The following ZNF862 variants were observed in gnomAD, a reference collection of about 807,000 sequenced individuals.
The protein encoded by ZNF862 is zinc finger protein 862.
A neutral mutation model predicts 91.1 loss-of-function variants in ZNF862; 64 were observed. The observed-to-expected ratio is 0.70, with a 90% CI of 0.57 to 0.87. The LOEUF (loss-of-function observed/expected upper bound fraction) is 0.87, where lower values mean the gene tolerates loss of function less well. Ranked by LOEUF, ZNF862 falls within the 40% of genes least tolerant of loss-of-function variation. The pLI is 0.00. For synonymous variants in ZNF862, 631 were observed against 618.1 expected, an observed-to-expected ratio of 1.02 and a Z score of -0.31; for missense variants, 1,459 against 1,528.0, an observed-to-expected ratio of 0.95 and a Z score of 0.75.
chr7:149,838,632 GA>G lies in ZNF862; in HGVS notation c.23del (p.Lys8ArgfsTer4). The G allele has an allele frequency of 8.1e-7, 1 of 1,228,564 alleles. No homozygotes were observed. The highest frequency in any genetic ancestry group is 1.0e-6 in the Non-Finnish European group (1 of 980,598). 76.1% of individuals were successfully genotyped at this position (1,228,564 alleles called of 1,614,324 possible). A position where few individuals can be genotyped will look rare whatever the true frequency, so the allele number is the denominator to read the frequency against. On this transcript the variant is annotated frameshift_variant and splice_region_variant, in exon 1 of 8. Coordinates refer to ENST00000223210, the MANE Select transcript of ZNF862 (RefSeq NM_001099220.3). LOFTEE classifies it high-confidence loss of function. MEPRESG[K>X]APVTFDDITV... ...GGGCCATGGAGCCCAGAGAGTCGGG[GA>G]AGGTAGGACTGGAAGGCCCGGGGGC...
rs767551948 is a variant in ZNF862 at position 149,861,065 on chromosome 7, C to T, written c.1905C>T (p.Ser635=). The T allele has an allele frequency of 5.5e-5, 88 of 1,612,622 alleles. No individual in the cohort carries two copies. The highest frequency in any genetic ancestry group is 1.6e-4 in the Middle Eastern group (1 of 6,084). Residue 635 remains serine (S), a synonymous_variant, in exon 7 of 8, where the codon TCC becomes TCT. Coordinates refer to ENST00000223210, the MANE Select transcript of ZNF862 (RefSeq NM_001099220.3). This position sits in a 1 kb window ranked among gnomAD's most constrained non-coding sequence, Gnocchi z 6.7. ...TGCTGGACAGCTCCACCGACGCCTC[C>T]GAGCAGGCCTGCGTGGGGATTTACA... The part of the protein sequence containing the change: ...SVLLDSSTDA[S]EQACVGIYIR...
chr7:149,860,189 G>C (rs906076883), intron 6 of ZNF862, 194 bp from the exon 7 acceptor site: 14 of 601,424 alleles, frequency 2.3e-5, no homozygotes, highest in African/African-American at 2.2e-4. Context: ...ACAACTCTGG[G>C]GGAGCCAGAT....
chr7:149,839,687 C>G (rs3735326), intron 1 of ZNF862, among the ~76,000 whole-genome samples: 20,374 of 152,124 alleles, frequency 0.13, 1,583 homozygotes, highest in East Asian at 0.26. Flanking sequence ...GGTGATTTCT[C>G]GCATGAGCAT....
In ZNF862 at chr7:149,848,062, T is replaced by C. The variant is rs541030178; in HGVS notation, c.569T>C (p.Leu190Pro). The C allele has an allele frequency of 6.2e-7, 1 of 1,614,000 alleles. No individual in the cohort carries two copies. Among genetic ancestry groups the C allele is most frequent in the African/African-American group, 1.3e-5 (1 of 75,030 alleles). Residue 190 changes from leucine (L) to proline (P), a missense_variant, in exon 4 of 8, where the codon CTC becomes CCC. Physicochemically the swap from Leu to Pro is moderately conservative, Grantham distance 98. Transcript: ENST00000223210. ...ACAGGACCATTCAAGGTGGAGACTC[T>C]CAAATACCACGCGAAGAGCAAGGCC... ...GYTGPFKVET[L>P]KYHAKSKAHM...
chr7:149,863,780 C>T (rs1802607099), intron 7 of ZNF862, among the ~76,000 whole-genome samples: 1 of 152,210 alleles, frequency 6.6e-6, no homozygotes, highest in African/African-American at 2.4e-5. Context: ...TTCCTGTTCA[C>T]TGTGGGAACT....
intron 1 of ZNF862, among the ~76,000 whole-genome samples, chr7:149,840,187 T>TTA (rs1801651520): frequency 2.4e-5 from 1 of 41,246 alleles, no homozygotes; most frequent in Non-Finnish European, 4.5e-5. Context: ...GCTTAAAAAG[T>TTA]AAAAAAAAAA....
In ZNF862 at chr7:149,861,109, T is replaced by C. The variant is rs1802469157; in HGVS notation, c.1949T>C (p.Met650Thr). 1 of 1,612,870 alleles carries C rather than the reference T, an allele frequency of 6.2e-7. No homozygotes were observed. The highest frequency in any genetic ancestry group is 1.3e-5 in the African/African-American group (1 of 74,914). Reference sequence around the variant, plus strand: ...ATTTACATCCGCTACTTCAAGCAGATGGAGGTGAAAGAGTCCTACATCACT... The same window carrying C: ...ATTTACATCCGCTACTTCAAGCAGACGGAGGTGAAAGAGTCCTACATCACT... ...VGIYIRYFKQ[M>T]EVKESYITLA... Residue 650 changes from methionine to threonine, a missense_variant, in exon 7 of 8, where the codon ATG (methionine) becomes ACG (threonine). Coordinates refer to ENST00000223210, the MANE Select transcript of ZNF862 (RefSeq NM_001099220.3). The surrounding 1 kb of genome is among the most constrained non-coding windows in gnomAD (Gnocchi z 6.7).
intron 1 of ZNF862, chr7:149,841,297 T>G: frequency 4.1e-6 from 4 of 985,412 alleles, no homozygotes; most frequent in Non-Finnish European, 4.8e-6. Context: ...TGGTCTTTAT[T>G]AACTGACAGC....
chr7:149,842,887 C>G (rs575183935), intron 1 of ZNF862, among the ~76,000 whole-genome samples: 9 of 152,292 alleles, frequency 5.9e-5, no homozygotes, highest in African/African-American at 1.4e-4. Context: ...TTGAGTGGAG[C>G]TTGTCTTCCA....
In ZNF862 at chr7:149,861,285, G is replaced by A. The variant is rs1445557478; in HGVS notation, c.2125G>A (p.Val709Met). Residue 709 changes from valine to methionine, a missense_variant, in exon 7 of 8, where the codon GTG becomes ATG. Transcript: ENST00000223210. This position sits in a 1 kb window ranked among gnomAD's most constrained non-coding sequence, Gnocchi z 6.7. ...SAMLSCRGGL[V>M]EKFQEVIPQL... is the part of the protein sequence containing the mutation. ...CATGTTGAGCTGCAGAGGAGGCCTT[G>A]TGGAAAAGTTCCAGGAGGTCATCCC... The A allele has an allele frequency of 6.2e-7, 1 of 1,612,520 alleles. No homozygotes were observed. Among genetic ancestry groups the A allele is most frequent in the South Asian group, 1.1e-5 (1 of 91,036 alleles).
intron 4 of ZNF862, among the ~76,000 whole-genome samples, chr7:149,849,412 C>T (rs942439276): frequency 9.9e-5 from 15 of 152,194 alleles, no homozygotes; most frequent in African/African-American, 3.4e-4. Context: ...TTGTAGTTAC[C>T]GAATGCTTTG....
At position 149,862,311 on chromosome 7, in the gene ZNF862, A is replaced by G; in HGVS notation, c.3151A>G (p.Thr1051Ala). ...GTTCAAGGCCATGAACCGAATCAGG[A>G]CCGATGAGAGGACCAAGCTCTCCAA... ...RGFKAMNRIR[T>A]DERTKLSNEV... is the part of the protein sequence containing the mutation. The change falls in exon 7 of 8, where the codon ACC becomes GCC. Residue 1051 changes from threonine to alanine, a missense_variant. Thr to Ala is a moderately conservative substitution (Grantham distance 58, BLOSUM62 0). Transcript: ENST00000223210. 1 of 1,613,524 alleles carries G rather than the reference A, an allele frequency of 6.2e-7. No individual in the cohort carries two copies. The highest frequency in any genetic ancestry group is 8.5e-7 in the Non-Finnish European group (1 of 1,179,744).
intron 4 of ZNF862, 75 bp downstream of exon 4, chr7:149,848,507 T>A: frequency 8.0e-7 from 1 of 1,251,694 alleles, no homozygotes; most frequent in Non-Finnish European, 1.1e-6. Flanking sequence ...TCCATGCTGA[T>A]GATGGAAAAA....
At chr7:149,838,967 A>G (rs1801615554) in intron 1 of ZNF862, among the ~76,000 whole-genome samples, 1 of 152,156 alleles carries the variant, frequency 6.6e-6, no homozygotes, top group Non-Finnish European at 1.5e-5. Context: ...AGGCCCTGCT[A>G]AGGCTTGGAG....
At chr7:149,846,077 G>A (rs1801859229) in intron 2 of ZNF862, 74 bp from the exon 3 acceptor site, 8 of 1,057,254 alleles carry the variant, frequency 7.6e-6, no homozygotes, top group East Asian at 2.6e-5. Flanking sequence ...TACCTCCTTC[G>A]TGTTGTGACC....
Position 149,838,535 on chromosome 7 carries a change from C to T in ZNF862, c.-77C>T. On this transcript the variant is annotated 5_prime_UTR_variant, in exon 1 of 8. Transcript: ENST00000223210. Reference sequence around the variant, plus strand: ...CTCCCCCTCCGGGAGCCTGGGTCCCCGGGGCGGTCGCGGCGGCTGCATCCT... The same window carrying T: ...CTCCCCCTCCGGGAGCCTGGGTCCCTGGGGCGGTCGCGGCGGCTGCATCCT... 1 of 1,039,310 alleles carries T rather than the reference C, an allele frequency of 9.6e-7. No homozygotes were observed. The highest frequency in any genetic ancestry group is 1.2e-6 in the Non-Finnish European group (1 of 811,764). The allele number at this position is 1,039,310 out of a possible 1,614,324, so 64.4% of individuals were successfully genotyped here. A position where few individuals can be genotyped will look rare whatever the true frequency, so the allele number is the denominator to read the frequency against.
At chr7:149,844,375 G>A (rs1801801670) in intron 1 of ZNF862, among the ~76,000 whole-genome samples, 1 of 152,160 alleles carries the variant, frequency 6.6e-6, no homozygotes, top group African/African-American at 2.4e-5. Flanking sequence ...ACACAGGGAG[G>A]GGACGGAGAA....
chr7:149,841,667 G>A (rs760354163), intron 1 of ZNF862: 29 of 985,402 alleles, frequency 2.9e-5, no homozygotes, highest in Non-Finnish European at 3.4e-5. Flanking sequence ...AGGAGACTGT[G>A]CTGTTGGTGC....
intron 5 of ZNF862, among the ~76,000 whole-genome samples, chr7:149,856,934 A>C (rs1478738866): frequency 6.6e-6 from 1 of 152,216 alleles, no homozygotes; most frequent in Non-Finnish European, 1.5e-5. Flanking sequence ...TAGGTTGGAA[A>C]TACTTTTCCT....
Sources: gnomAD v4.1 joint callset for allele counts (sites outside exome capture counted in the v4.1 genomes callset) on GRCh38, gnomAD v4.1.1 for gene constraint, Gnocchi (gnomAD v3.1) non-coding constraint, MANE v1.5 for transcripts, NCBI Gene and HGNC (gene_info 2026-07-23, HGNC 2026-07-21) for gene names.